Variants in AVEN observed in about 807,000 individuals in gnomAD.
AVEN encodes the protein apoptosis and caspase activation inhibitor.
Under a neutral mutation model 38.1 loss-of-function variants are expected in AVEN, and 41 were observed. That is an observed-to-expected ratio of 1.08 (90% CI 0.84 to 1.40). AVEN has a LOEUF of 1.40. AVEN is among the 40% of genes most tolerant of loss of function. The pLI, the probability that AVEN is intolerant of heterozygous loss-of-function variation, is 0.00. For synonymous variants in AVEN, 206 were observed against 171.8 expected, an observed-to-expected ratio of 1.20 and a Z score of -1.56; for missense variants, 605 against 438.8, an observed-to-expected ratio of 1.38 and a Z score of -3.38.
chr15:34,012,345 T>C (rs1169109523), intron 1 of AVEN, among the ~76,000 whole-genome samples: 2 of 152,206 alleles, frequency 1.3e-5, no homozygotes, highest in Admixed American at 1.3e-4. Flanking sequence ...TGTTAAATCA[T>C]ATGATTAAAG....
chr15:33,876,036 C>A (rs6495303), intron 2 of AVEN, 41 bp from the exon 3 acceptor site: 23,654 of 1,559,958 alleles, frequency 0.015, 1,444 homozygotes, highest in South Asian at 0.12. Flanking sequence ...CAAAAGCCAA[C>A]GGAAACTCTC....
intron 4 of AVEN, chr15:34,065,358 A>G (rs887311399): frequency 1.3e-5 from 2 of 152,262 alleles, no homozygotes; most frequent in African/African-American, 4.8e-5. Context: ...AATTTCTTCC[A>G]GAGCCCTTTT....
At position 34,052,533 on chromosome 15, in the gene AVEN, A is replaced by G. The variant is rs114317317; in HGVS notation, n.1637+10389T>C. On this transcript the variant is annotated intron_variant and non_coding_transcript_variant, in intron 5 of 11. Transcript: ENST00000675287. ...AAGAGAAAGAAATGAAGCATATTCA[A>G]ATAGGAAGACAGGATGTCAAATTAT... 8.2e-3 allele frequency among the ~76,000 whole-genome samples: 1,256 copies of G among 152,328 alleles called. 24 individuals are homozygous for G. The highest frequency in any genetic ancestry group is 0.029 in the African/African-American group (1,199 of 41,578).
chr15:34,035,020 G>A (rs1899052326), intron 1 of AVEN, among the ~76,000 whole-genome samples: 1 of 152,188 alleles, frequency 6.6e-6, no homozygotes, highest in African/African-American at 2.4e-5. Context: ...TTAGACACCT[G>A]CCTGTAACTG....
At chr15:33,878,431 A>G (rs921265519) in intron 2 of AVEN, among the ~76,000 whole-genome samples, 34 of 152,146 alleles carry the variant, frequency 2.2e-4, no homozygotes, top group African/African-American at 7.2e-4. Flanking sequence ...GTGTTAAAGC[A>G]ACTCACCAGC....
At chr15:33,873,701 C>G (rs538683659) in intron 3 of AVEN, among the ~76,000 whole-genome samples, 1 of 151,964 alleles carries the variant, frequency 6.6e-6, no homozygotes, top group Admixed American at 6.6e-5. Flanking sequence ...GAAATGAATT[C>G]AGTTTCAGCC....
intron 1 of AVEN, among the ~76,000 whole-genome samples, chr15:34,030,242 A>G (rs1385036227): frequency 6.6e-6 from 1 of 152,178 alleles, no homozygotes; most frequent in Non-Finnish European, 1.5e-5. Flanking sequence ...TGACAGAGTG[A>G]GTGAGACTTC....
rs527615535 is a variant in AVEN at position 33,860,252 on chromosome 15, T to C, written n.2730-1158A>G. Among the ~76,000 whole-genome samples the C allele has an allele frequency of 7.9e-5, 12 of 152,286 alleles. No individual in the cohort carries two copies. In the South Asian group the frequency reaches 1.4e-3, roughly 18 times the overall value. ...AACTGAGGAGGAACCCTGATCCACCTCAGTGTCAGAGGTGCTAGGAGAAGA... is the reference window on the plus strand; with the variant it reads ...AACTGAGGAGGAACCCTGATCCACCCCAGTGTCAGAGGTGCTAGGAGAAGA... On this transcript the variant is annotated intron_variant and non_coding_transcript_variant, in intron 11 of 11. Transcript: ENST00000675287.
At chr15:33,937,393 C>T (rs1322920185) in intron 2 of AVEN, among the ~76,000 whole-genome samples, 7 of 151,382 alleles carry the variant, frequency 4.6e-5, no homozygotes, top group African/African-American at 7.3e-5. Context: ...ATTAGCCGGG[C>T]GTGGTGGCAG....
intron 2 of AVEN, among the ~76,000 whole-genome samples, chr15:33,964,399 C>T (rs112733031): frequency 1.8e-3 from 272 of 151,944 alleles, no homozygotes; most frequent in African/African-American, 6.4e-3. Flanking sequence ...AAAGTGGGTG[C>T]TATGGTAGAG....
intron 2 of AVEN, among the ~76,000 whole-genome samples, chr15:33,916,038 T>G (rs1018385056): frequency 6.6e-6 from 1 of 152,034 alleles, no homozygotes; most frequent in Non-Finnish European, 1.5e-5. Context: ...ACGGAGAGTC[T>G]GAGCTCAGAC....
chr15:33,867,458 G>A, intron 5 of AVEN, 37 bp downstream of exon 5: 2 of 1,536,564 alleles, frequency 1.3e-6, no homozygotes, highest in Non-Finnish European at 1.7e-6. Flanking sequence ...AAAAACACCA[G>A]AATCAAGATT....
intron 3 of AVEN, among the ~76,000 whole-genome samples, chr15:33,872,327 T>A (rs1443893272): frequency 6.6e-6 from 1 of 152,170 alleles, no homozygotes; most frequent in African/African-American, 2.4e-5. Flanking sequence ...AAAGGCACAC[T>A]CTTTAGTAAG....
intron 1 of AVEN, among the ~76,000 whole-genome samples, chr15:34,028,485 A>G (rs866802065): frequency 3.3e-5 from 5 of 152,200 alleles, no homozygotes; most frequent in Admixed American, 2.6e-4. Flanking sequence ...GGATCACTTA[A>G]GCCAAGGAGG....
intron 2 of AVEN, among the ~76,000 whole-genome samples, chr15:33,941,016 A>C (rs1184106166): frequency 6.6e-6 from 1 of 152,204 alleles, no homozygotes; most frequent in East Asian, 1.9e-4. Flanking sequence ...GAATTCTACA[A>C]ATGTTTCAGA....
chr15:33,969,974 C>A (rs1360677111), intron 2 of AVEN, among the ~76,000 whole-genome samples: 1 of 151,936 alleles, frequency 6.6e-6, no homozygotes, highest in East Asian at 1.9e-4. Context: ...AAAACGTTAT[C>A]ATTTAGCAGA....
At chr15:33,880,853 C>G (rs890379874) in intron 2 of AVEN, among the ~76,000 whole-genome samples, 2 of 151,874 alleles carry the variant, frequency 1.3e-5, no homozygotes, top group African/African-American at 4.8e-5. Flanking sequence ...ATTTCAAGAA[C>G]AGGAAAAACT....
intron 2 of AVEN, among the ~76,000 whole-genome samples, chr15:33,985,572 A>C (rs1225485117): frequency 6.6e-6 from 1 of 152,020 alleles, no homozygotes; most frequent in Non-Finnish European, 1.5e-5. Context: ...CATTCTTGAC[A>C]TACCCATCAG....
chr15:33,981,766 G>T (rs1896155451), intron 2 of AVEN, among the ~76,000 whole-genome samples: 1 of 152,088 alleles, frequency 6.6e-6, no homozygotes, highest in East Asian at 1.9e-4. Flanking sequence ...TAACACTGAA[G>T]GGCTATTTTG....
Sources: gnomAD v4.1 joint callset for allele counts (sites outside exome capture counted in the v4.1 genomes callset) on GRCh38, gnomAD v4.1.1 for gene constraint, MANE v1.5 for transcripts, NCBI Gene and HGNC (gene_info 2026-07-23, HGNC 2026-07-21) for gene names.